CES5A: variants seen among roughly 807,000 people sequenced by gnomAD.
CES5A encodes carboxylesterase 5.
Under a neutral mutation model 62.9 loss-of-function variants are expected in CES5A, and 67 were observed. That is an observed-to-expected ratio of 1.07 (90% CI 0.88 to 1.31). The LOEUF (loss-of-function observed/expected upper bound fraction) is 1.31. Among genes scored for constraint, CES5A ranks in the 50% most tolerant of loss-of-function variants. The pLI is 0.00. For synonymous variants in CES5A, 296 were observed against 280.8 expected (o/e 1.05, Z -0.54); for missense variants, 748 against 708.5 (o/e 1.06, Z -0.63).
intron 8 of CES5A, among the ~76,000 whole-genome samples, chr16:55,856,913 G>C (rs368694731): frequency 6.6e-6 from 1 of 152,296 alleles, no homozygotes; most frequent in African/African-American, 2.4e-5. Context: ...CCTTGACCTC[G>C]GACTTCCAGT....
Position 55,909,597 on chromosome 16 carries a change from T to C in CES5A, c.-256+15726A>G, listed in dbSNP as rs533454436. ...ACACACACACACACACACACACACA[T>C]GTCTGGAGGCAGAGGAACCTGATCT... On this transcript the variant is annotated intron_variant, in intron 1 of 12. Transcript: ENST00000518005. 8.7e-4 allele frequency among the ~76,000 whole-genome samples: 82 copies of C among 93,872 alleles called. No individual in the cohort carries two copies. In the East Asian group the frequency reaches 0.011, roughly 13 times the overall value. 61.6% of individuals were successfully genotyped at this position (93,872 alleles called of 152,430 possible). A position where few individuals can be genotyped will look rare whatever the true frequency, so the allele number is the denominator to read the frequency against.
chr16:55,903,510 C>A (rs753815829), intron 1 of CES5A, among the ~76,000 whole-genome samples: 2 of 152,224 alleles, frequency 1.3e-5, no homozygotes, highest in Non-Finnish European at 2.9e-5. Flanking sequence ...GTCACACCAA[C>A]CTCTCTGGTC....
chr16:55,877,444 A>G (rs187137295), upstream of CES5A, among the ~76,000 whole-genome samples: 4 of 132,570 alleles, frequency 3.0e-5, no homozygotes, highest in East Asian at 2.3e-4. Flanking sequence ...GTGTGTGTGT[A>G]TATATATGTA....
intron 1 of CES5A, among the ~76,000 whole-genome samples, chr16:55,921,749 T>G (rs1341408152): frequency 6.6e-6 from 1 of 151,416 alleles, no homozygotes. Context: ...AATTATGGTG[T>G]GCAATCCACT....
intron 1 of CES5A, among the ~76,000 whole-genome samples, chr16:55,882,963 G>A (rs537152078): frequency 6.6e-6 from 1 of 152,310 alleles, no homozygotes; most frequent in South Asian, 2.1e-4. Context: ...TATTGTGAGA[G>A]GCAGCTAACC....
chr16:55,885,507 G>A (rs2033806425), intron 1 of CES5A, among the ~76,000 whole-genome samples: 1 of 152,154 alleles, frequency 6.6e-6, no homozygotes, highest in African/African-American at 2.4e-5. Context: ...GATAGAATCT[G>A]CAAAGGAGAG....
intron 2 of CES5A, chr16:55,949,676 G>A (rs2142486729): frequency 2.3e-6 from 1 of 434,978 alleles, no homozygotes; most frequent in South Asian, 6.6e-5. Context: ...AACACAAAGG[G>A]AATTCCCGGT....
intron 2 of CES5A, chr16:55,944,293 G>A: frequency 1.7e-6 from 1 of 590,238 alleles, no homozygotes. Context: ...GTGACCTCCT[G>A]GATTGTTGAG....
At chr16:55,862,415 T>C (rs2033370974) in intron 6 of CES5A, among the ~76,000 whole-genome samples, 1 of 152,210 alleles carries the variant, frequency 6.6e-6, no homozygotes, top group Admixed American at 6.5e-5. Context: ...GGATAGGTGA[T>C]AAAAAGATTA....
chr16:55,925,515 A>G (rs1193416147), upstream of CES5A: 1 of 152,114 alleles, frequency 6.6e-6, no homozygotes, highest in Non-Finnish European at 1.5e-5. Flanking sequence ...TACTGGGTAT[A>G]TGTCCAAAAC....
At chr16:55,875,103 C>T (rs1352755964) in intron 1 of CES5A, 46 bp downstream of exon 1, 2 of 1,577,078 alleles carry the variant, frequency 1.3e-6, no homozygotes, top group South Asian at 2.2e-5. Context: ...AAAATCCTCA[C>T]CCACCCCATC....
chr16:55,879,715 C>A (rs1189931766), upstream of CES5A, among the ~76,000 whole-genome samples: 2 of 152,156 alleles, frequency 1.3e-5, no homozygotes, highest in African/African-American at 4.8e-5. Context: ...TTCAGTCTCC[C>A]AAGTAGCTAG....
intron 2 of CES5A, among the ~76,000 whole-genome samples, chr16:55,939,137 C>T (rs530178487): frequency 2.6e-5 from 4 of 152,196 alleles, no homozygotes; most frequent in African/African-American, 7.2e-5. Context: ...AAGATTTCAT[C>T]CCCATAGGTA....
intron 1 of CES5A, among the ~76,000 whole-genome samples, chr16:55,902,173 C>T (rs779473727): frequency 2.7e-4 from 41 of 152,160 alleles, no homozygotes; most frequent in Admixed American, 7.2e-4. Context: ...CTCTGGCAGG[C>T]CAGGGCAGCC....
In CES5A at chr16:55,873,965, C is replaced by T; in HGVS notation, c.146G>A (p.Gly49Glu). ...WIQGKQVTVL[G>E]SPVPVNVFLG... ...GAACACGTTCACAGGCACAGGGCTTCCCAGCACAGTGACTTGCTTGCCCTG... is the reference window on the plus strand; with the variant it reads ...GAACACGTTCACAGGCACAGGGCTTTCCAGCACAGTGACTTGCTTGCCCTG... Residue 49 changes from glycine to glutamate, a missense_variant, in exon 2 of 13, where the codon GGA becomes GAA. Transcript: ENST00000290567. 3 of 1,613,228 alleles carry T rather than the reference C, an allele frequency of 1.9e-6. No homozygotes were observed. In the South Asian group the frequency reaches 3.3e-5, roughly 18 times the overall value.
At chr16:55,930,051 C>A (rs2034293991), upstream of CES5A, among the ~76,000 whole-genome samples, 1 of 152,088 alleles carries the variant, frequency 6.6e-6, no homozygotes, top group African/African-American at 2.4e-5. Context: ...TGGATCCCTG[C>A]CCACCTCTTT....
chr16:55,849,804 C>T, intron 10 of CES5A, 31 bp from the exon 11 acceptor site: 1 of 1,609,000 alleles, frequency 6.2e-7, no homozygotes, highest in African/African-American at 1.3e-5. Flanking sequence ...GTCAGGCATG[C>T]ATGCAGCGCG....
chr16:55,927,241 C>A (rs1281833153), upstream of CES5A, among the ~76,000 whole-genome samples: 1 of 152,022 alleles, frequency 6.6e-6, no homozygotes, highest in East Asian at 1.9e-4. Flanking sequence ...AAAGCAAATG[C>A]AATATAATCA....
intron 1 of CES5A, among the ~76,000 whole-genome samples, chr16:55,894,118 T>A (rs2033907572): frequency 6.6e-6 from 1 of 152,140 alleles, no homozygotes. Flanking sequence ...AGAGAAAGAA[T>A]ATTTTTAGAA....
Sources: gnomAD v4.1 joint callset for allele counts (sites outside exome capture counted in the v4.1 genomes callset) on GRCh38, gnomAD v4.1.1 for gene constraint, MANE v1.5 for transcripts, NCBI Gene and HGNC (gene_info 2026-07-23, HGNC 2026-07-21) for gene names.